Variants in CACNA1A observed in about 807,000 individuals in gnomAD.
CACNA1A encodes the protein voltage-dependent P/Q-type calcium channel subunit alpha-1A.
A neutral mutation model predicts 262.4 loss-of-function variants in CACNA1A; 57 were observed. That is an observed-to-expected ratio of 0.22 (90% CI 0.18 to 0.27). CACNA1A has a LOEUF of 0.27. CACNA1A is among the 10% of genes least tolerant of loss of function. The pLI is 1.00. For synonymous variants in CACNA1A, 1,431 were observed against 1,419.3 expected (o/e 1.01, Z -0.18); for missense variants, 2,526 against 3,562.8 (o/e 0.71, Z 7.41).
intron 3 of CACNA1A, among the ~76,000 whole-genome samples, chr19:13,402,315 C>A (rs890751337): frequency 2.0e-5 from 3 of 152,148 alleles, no homozygotes; most frequent in Non-Finnish European, 4.4e-5. Context: ...GGAGTCATGA[C>A]CACTCAGCAT....
chr19:13,360,693 G>A (rs2059095064), intron 5 of CACNA1A, among the ~76,000 whole-genome samples: 1 of 152,004 alleles, frequency 6.6e-6, no homozygotes, highest in African/African-American at 2.4e-5. Flanking sequence ...GGCCAGGCTG[G>A]TCTCGAACTC....
chr19:13,460,638 C>G (rs1246622159), intron 1 of CACNA1A, among the ~76,000 whole-genome samples: 1 of 152,054 alleles, frequency 6.6e-6, no homozygotes, highest in Non-Finnish European at 1.5e-5. Flanking sequence ...TTACCTCCCT[C>G]CCCTCATCTC....
At chr19:13,484,752 T>G (rs981618804) in intron 1 of CACNA1A, among the ~76,000 whole-genome samples, 14 of 152,236 alleles carry the variant, frequency 9.2e-5, no homozygotes, top group African/African-American at 3.4e-4. Flanking sequence ...ACAGGACCTT[T>G]GCACATGCTG....
At position 13,299,008 on chromosome 19, in the gene CACNA1A, C is replaced by G. The variant is rs764258119; in HGVS notation, c.2625G>C (p.Ala875=). ...HDRARDPSGS[A]GLDARRPWAG... Reference sequence around the variant, plus strand: ...CCCAGGGCCTCCGTGCGTCCAGGCCCGCCGAGCCGCTGGGGTCCCGGGCCC... The same window carrying G: ...CCCAGGGCCTCCGTGCGTCCAGGCCGGCCGAGCCGCTGGGGTCCCGGGCCC... Residue 875 remains alanine, a synonymous_variant, in exon 19 of 47, where the codon GCG becomes GCC. Transcript: ENST00000360228. The G allele has an allele frequency of 9.5e-6, 15 of 1,582,398 alleles. No individual in the cohort carries two copies. In the South Asian group the frequency reaches 1.3e-4, roughly 14 times the overall value.
chr19:13,219,995 C>T (rs1361580636), intron 38 of CACNA1A, among the ~76,000 whole-genome samples: 6 of 151,544 alleles, frequency 4.0e-5, no homozygotes, highest in Non-Finnish European at 7.4e-5. Context: ...TGGTGGCTCA[C>T]TCCTGTAATC....
At position 13,475,100 on chromosome 19, in the gene CACNA1A, C is replaced by T. The variant is rs535786612; in HGVS notation, c.294-19888G>A. On this transcript the variant is annotated intron_variant, in intron 1 of 46. Coordinates refer to ENST00000360228, the MANE Select transcript of CACNA1A (RefSeq NM_001127222.2). ...GAAGTTTACATGCATGTGACATTTC[C>T]AAACCTATTGAGCCCTTATAGGAAA... 2.1e-4 allele frequency among the ~76,000 whole-genome samples: 32 copies of T among 152,254 alleles called. No individual in the cohort carries two copies. In the East Asian group the frequency reaches 3.1e-3, roughly 15 times the overall value.
chr19:13,356,449 G>A (rs947626778), intron 6 of CACNA1A, among the ~76,000 whole-genome samples: 1 of 152,202 alleles, frequency 6.6e-6, no homozygotes, highest in Non-Finnish European at 1.5e-5. Context: ...CTGAGTCTCT[G>A]CTCTTAACCA....
At chr19:13,439,031 G>A (rs1313349009) in intron 3 of CACNA1A, among the ~76,000 whole-genome samples, 2 of 151,738 alleles carry the variant, frequency 1.3e-5, no homozygotes, top group Non-Finnish European at 2.9e-5. Context: ...GAGCCACCAT[G>A]CCCAGCTTTC....
rs1414822365 is a variant in CACNA1A at position 13,207,559 on chromosome 19, G to A, written c.7275C>T (p.Gly2425=). ...YDEADGPGSG[G]GEEAMAGAYD... ...AGGCCCCGGCCATGGCCTCCTCGCC[G>A]CCCCCGCTGCCCGGGCCATCGGCCT... The change falls in exon 47 of 47, where the codon GGC becomes GGT. Residue 2425 remains glycine, a synonymous_variant. Transcript: ENST00000360228. This position sits in a 1 kb window ranked among gnomAD's most constrained non-coding sequence, Gnocchi z 5.7. 2.0e-5 allele frequency: 30 copies of A among 1,464,350 alleles called. No homozygotes were observed. The highest frequency in any genetic ancestry group is 4.7e-5 in the Admixed American group (2 of 42,618). 90.7% of individuals were successfully genotyped at this position (1,464,350 alleles called of 1,614,324 possible).
intron 34 of CACNA1A, among the ~76,000 whole-genome samples, chr19:13,232,588 C>T (rs972293016): frequency 4.0e-5 from 6 of 151,316 alleles, no homozygotes; most frequent in Admixed American, 2.6e-4. Context: ...AAAATTTGCT[C>T]GGTGTGGTGG....
intron 24 of CACNA1A, among the ~76,000 whole-genome samples, chr19:13,269,469 A>T (rs1474096895): frequency 6.6e-6 from 1 of 152,202 alleles, no homozygotes; most frequent in Non-Finnish European, 1.5e-5. Flanking sequence ...GCTGTTTTGA[A>T]GATGAGGATC....
intron 38 of CACNA1A, among the ~76,000 whole-genome samples, chr19:13,216,248 G>A (rs2055007524): frequency 6.6e-6 from 1 of 152,202 alleles, no homozygotes; most frequent in Non-Finnish European, 1.5e-5. Flanking sequence ...TTCCTCCTGT[G>A]GTTGGCAGGG....
intron 4 of CACNA1A, among the ~76,000 whole-genome samples, chr19:13,368,338 C>CTTTTTT (rs796514314): frequency 7.1e-6 from 1 of 140,658 alleles, no homozygotes. Context: ...CTATCATTGG[C>CTTTTTT]TTTTTTTTTT....
At chr19:13,399,604 C>G (rs1186828922) in intron 3 of CACNA1A, among the ~76,000 whole-genome samples, 1 of 152,176 alleles carries the variant, frequency 6.6e-6, no homozygotes, top group Non-Finnish European at 1.5e-5. Context: ...TACAGACAGA[C>G]CCACAGGCAC....
chr19:13,299,676 A>C (rs762871641), intron 18 of CACNA1A, among the ~76,000 whole-genome samples: 12 of 152,122 alleles, frequency 7.9e-5, no homozygotes, highest in Non-Finnish European at 1.2e-4. Flanking sequence ...CCTCCTTCAC[A>C]TCAGGCATGT....
At chr19:13,286,375 T>A (rs962589991) in intron 20 of CACNA1A, 128 bp downstream of exon 20, 20 of 484,304 alleles carry the variant, frequency 4.1e-5, no homozygotes, top group African/African-American at 3.6e-4. Context: ...ACTACGCCTA[T>A]GCCCATTTTC....
At chr19:13,277,815 C>T (rs997799247) in intron 22 of CACNA1A, 10 of 152,868 alleles carry the variant, frequency 6.5e-5, no homozygotes, top group African/African-American at 1.2e-4. Flanking sequence ...CGGCTGGGCA[C>T]GGTGGCTCGA....
At chr19:13,274,457 C>A (rs898284510) in intron 24 of CACNA1A, 7 of 152,212 alleles carry the variant, frequency 4.6e-5, no homozygotes, top group Admixed American at 1.3e-4. Flanking sequence ...CAGGAGGAAG[C>A]CCCTGATTCT....
chr19:13,463,245 A>C (rs2061158620), intron 1 of CACNA1A, among the ~76,000 whole-genome samples: 1 of 152,088 alleles, frequency 6.6e-6, no homozygotes, highest in African/African-American at 2.4e-5. Flanking sequence ...CAATGGCCAC[A>C]GTTTAGTAAA....
Sources: allele counts gnomAD v4.1 joint callset (sites outside exome capture counted in the v4.1 genomes callset), GRCh38; gene constraint gnomAD v4.1.1; non-coding constraint Gnocchi (gnomAD v3.1); transcripts MANE v1.5; gene names NCBI Gene and HGNC (gene_info 2026-07-23, HGNC 2026-07-21).